ARNT2: variants seen among roughly 807,000 people sequenced by gnomAD.
The protein encoded by ARNT2 is ARNT protein 2.
ARNT2 carries 36 observed loss-of-function variants against 91.7 expected under a neutral mutation model. The observed-to-expected ratio is 0.39, with a 90% CI of 0.30 to 0.52. The LOEUF is 0.52. Among genes scored for constraint, ARNT2 ranks in the 20% least tolerant of loss-of-function variants. The pLI is 0.72. For synonymous variants in ARNT2, 365 were observed against 347.1 expected (o/e 1.05, Z -0.57); for missense variants, 775 against 939.3 (o/e 0.83, Z 2.29).
At chr15:80,443,244 A>G (rs1896222994) in intron 1 of ARNT2, among the ~76,000 whole-genome samples, 1 of 152,262 alleles carries the variant, frequency 6.6e-6, no homozygotes, top group Non-Finnish European at 1.5e-5. Context: ...AGAAACTGAT[A>G]AGGCAGCATG....
intron 5 of ARNT2, among the ~76,000 whole-genome samples, chr15:80,503,659 G>A (rs1207560339): frequency 6.6e-6 from 1 of 152,202 alleles, no homozygotes; most frequent in Admixed American, 6.5e-5. Context: ...TAACATGGCC[G>A]TAAAAAGATG....
intron 10 of ARNT2, 119 bp downstream of exon 10, chr15:80,552,893 T>C: frequency 7.7e-7 from 1 of 1,298,308 alleles, no homozygotes; most frequent in Non-Finnish European, 1.1e-6. Flanking sequence ...TAAAGACCCA[T>C]ATACCCTGCC....
chr15:80,442,639 A>C (rs1157472388), intron 1 of ARNT2, among the ~76,000 whole-genome samples: 1 of 152,244 alleles, frequency 6.6e-6, no homozygotes, highest in Non-Finnish European at 1.5e-5. Context: ...AATAGTGATG[A>C]AGCCAGAGCT....
At chr15:80,424,737 T>C (rs1039950232) in intron 1 of ARNT2, among the ~76,000 whole-genome samples, 3 of 151,250 alleles carry the variant, frequency 2.0e-5, no homozygotes, top group Non-Finnish European at 4.4e-5. Flanking sequence ...TTTGGTTTGT[T>C]GACAAAACAG....
chr15:80,487,377 A>G (rs74029823), intron 5 of ARNT2, among the ~76,000 whole-genome samples: 5,392 of 152,226 alleles, frequency 0.035, 184 homozygotes, highest in East Asian at 0.13. Flanking sequence ...AGGTCGCCAC[A>G]CTGAGGGTGG....
intron 11 of ARNT2, among the ~76,000 whole-genome samples, chr15:80,557,740 A>C (rs893361210): frequency 6.6e-6 from 1 of 151,914 alleles, no homozygotes. Flanking sequence ...CCCACTCCAC[A>C]CATTCAGCCC....
chr15:80,546,533 G>C (rs1163150146), intron 8 of ARNT2, among the ~76,000 whole-genome samples: 2 of 152,226 alleles, frequency 1.3e-5, no homozygotes, highest in Non-Finnish European at 2.9e-5. Flanking sequence ...TTTTGGTAGA[G>C]AGATTTGGGC....
intron 5 of ARNT2, among the ~76,000 whole-genome samples, chr15:80,503,048 G>A (rs1226743576): frequency 1.3e-5 from 2 of 152,228 alleles, no homozygotes; most frequent in Admixed American, 6.5e-5. Flanking sequence ...GGGATCTGCT[G>A]GGAGTCAGCC....
chr15:80,516,855 A>ATATC (rs1491249404), intron 8 of ARNT2, among the ~76,000 whole-genome samples: 2 of 142,636 alleles, frequency 1.4e-5, no homozygotes, highest in African/African-American at 5.1e-5. Context: ...ATATATATAT[A>ATATC]TCCATGTTCA....
intron 8 of ARNT2, among the ~76,000 whole-genome samples, chr15:80,519,641 T>C (rs11072923): frequency 0.47 from 71,212 of 150,960 alleles, 18,321 homozygotes; most frequent in African/African-American, 0.68. Context: ...ATTTGGGGCC[T>C]ACAAGGAATT....
intron 12 of ARNT2, among the ~76,000 whole-genome samples, chr15:80,564,446 C>G (rs559660999): frequency 6.6e-6 from 1 of 152,300 alleles, no homozygotes; most frequent in South Asian, 2.1e-4. Flanking sequence ...AGTCCTCAGC[C>G]TCTGCCCTGC....
chr15:80,581,480 C>G (rs1407371745), intron 17 of ARNT2, 76 bp downstream of exon 17: 8 of 1,576,926 alleles, frequency 5.1e-6, no homozygotes, highest in South Asian at 1.1e-5. Flanking sequence ...ATTCAGGAGG[C>G]TGAGCTCCAA....
rs1001099638 is a variant in ARNT2 at position 80,457,999 on chromosome 15, A to G, written c.194+23A>G. ...AAGGTAAGTTTATTTTATTTTCCTTAGACTTAAAGAAGGCAATAGCCAGCA... is the reference window on the plus strand; with the variant it reads ...AAGGTAAGTTTATTTTATTTTCCTTGGACTTAAAGAAGGCAATAGCCAGCA... On this transcript the variant is annotated intron_variant, in intron 3 of 18. Transcript: ENST00000303329. 3.1e-6 allele frequency: 5 copies of G among 1,607,654 alleles called. No individual in the cohort carries two copies. The African/African-American group carries it at 6.7e-5, about 21-fold the overall frequency.
chr15:80,464,678 A>G (rs1190291615), intron 3 of ARNT2, among the ~76,000 whole-genome samples: 1 of 152,198 alleles, frequency 6.6e-6, no homozygotes, highest in East Asian at 1.9e-4. Flanking sequence ...AATATGCCTC[A>G]GTGGGCCCTC....
At chr15:80,574,585 G>C (rs1054748278) in intron 13 of ARNT2, among the ~76,000 whole-genome samples, 4 of 152,216 alleles carry the variant, frequency 2.6e-5, no homozygotes, top group African/African-American at 7.2e-5. Context: ...GCCACTGCCT[G>C]TGTCCTGTTC....
At chr15:80,513,848 C>T in intron 6 of ARNT2, 63 bp from the exon 7 acceptor site, 1 of 1,375,942 alleles carries the variant, frequency 7.3e-7, no homozygotes, top group Non-Finnish European at 1.0e-6. Context: ...TTGATGGCAG[C>T]ACCATATATT....
intron 8 of ARNT2, among the ~76,000 whole-genome samples, chr15:80,517,549 C>T (rs1897458420): frequency 6.6e-6 from 1 of 151,582 alleles, no homozygotes; most frequent in Non-Finnish European, 1.5e-5. Flanking sequence ...TCTTCTGCTC[C>T]ATTTTCTCTT....
intron 3 of ARNT2, among the ~76,000 whole-genome samples, chr15:80,460,088 A>T (rs1402747039): frequency 1.3e-5 from 2 of 152,196 alleles, no homozygotes; most frequent in Admixed American, 1.3e-4. Flanking sequence ...AGGCAACAGA[A>T]GCCCCTTCAT....
intron 15 of ARNT2, chr15:80,580,119 A>G (rs1260180175): frequency 5.9e-6 from 2 of 340,992 alleles, no homozygotes; most frequent in East Asian, 1.1e-4. Flanking sequence ...ATGTACAGGC[A>G]TAGGATAGGG....
Sources: allele counts gnomAD v4.1 joint callset (sites outside exome capture counted in the v4.1 genomes callset), GRCh38; gene constraint gnomAD v4.1.1; transcripts MANE v1.5; gene names NCBI Gene and HGNC (gene_info 2026-07-23, HGNC 2026-07-21).